FRMD4A: variants seen among roughly 807,000 people sequenced by gnomAD.
FRMD4A encodes the protein FERM domain containing 4A, also known as FERM domain-containing protein 4A.
In FRMD4A, 29 loss-of-function variants were observed where a neutral mutation model predicts 129.1. The ratio of observed to expected loss-of-function variants is 0.22; its 90% confidence interval spans 0.17 to 0.31. The LOEUF (loss-of-function observed/expected upper bound fraction) is 0.31. FRMD4A is among the 10% of genes least tolerant of loss of function. The pLI is 1.00. For synonymous variants in FRMD4A, 634 were observed against 571.6 expected, an observed-to-expected ratio of 1.11 and a Z score of -1.56; for missense variants, 1,272 against 1,375.8, an observed-to-expected ratio of 0.92 and a Z score of 1.19.
intron 2 of FRMD4A, among the ~76,000 whole-genome samples, chr10:14,036,326 T>C (rs916341925): frequency 3.3e-5 from 5 of 152,194 alleles, no homozygotes; most frequent in Admixed American, 6.5e-5. Flanking sequence ...TACTCCTGGG[T>C]GTGCCTGACA....
At chr10:13,883,236 T>C (rs2094567543) in intron 2 of FRMD4A, among the ~76,000 whole-genome samples, 1 of 151,994 alleles carries the variant, frequency 6.6e-6, no homozygotes, top group Non-Finnish European at 1.5e-5. Context: ...ACGGCTGTAA[T>C]CCTAGCACTT....
chr10:13,847,162 G>T (rs1056415280), intron 3 of FRMD4A, among the ~76,000 whole-genome samples: 2 of 152,210 alleles, frequency 1.3e-5, no homozygotes, highest in Non-Finnish European at 2.9e-5. Context: ...TGGAGGAGGA[G>T]TAGGAATGAT....
intron 2 of FRMD4A, among the ~76,000 whole-genome samples, chr10:14,261,600 A>G (rs1589239530): frequency 6.6e-6 from 1 of 152,266 alleles, no homozygotes; most frequent in South Asian, 2.1e-4. Flanking sequence ...TGCAATGCCA[A>G]CCTATCTGAT....
At chr10:13,920,435 T>C (rs1191423473) in intron 2 of FRMD4A, among the ~76,000 whole-genome samples, 2 of 152,238 alleles carry the variant, frequency 1.3e-5, no homozygotes, top group Non-Finnish European at 2.9e-5. Flanking sequence ...ATTTTGAAAG[T>C]GTGTTAAATA....
intron 2 of FRMD4A, among the ~76,000 whole-genome samples, chr10:14,134,517 G>A (rs912400853): frequency 2.6e-5 from 4 of 151,082 alleles, no homozygotes; most frequent in Non-Finnish European, 5.9e-5. Context: ...TTGGAGGGAT[G>A]GAGGGATGGG....
chr10:13,737,739 G>T, intron 12 of FRMD4A, 105 bp downstream of exon 12: 2 of 653,164 alleles, frequency 3.1e-6, no homozygotes, highest in Admixed American at 5.1e-5. Flanking sequence ...GCAGGAGATT[G>T]GTGAGCCTTT....
chr10:13,911,774 G>T (rs903502749), intron 2 of FRMD4A, among the ~76,000 whole-genome samples: 22 of 152,040 alleles, frequency 1.4e-4, no homozygotes, highest in African/African-American at 5.1e-4. Flanking sequence ...GTTACCTAGG[G>T]TGGTCTCGAA....
At chr10:14,192,063 A>G (rs1842335743) in intron 2 of FRMD4A, among the ~76,000 whole-genome samples, 1 of 152,224 alleles carries the variant, frequency 6.6e-6, no homozygotes, top group Admixed American at 6.5e-5. Flanking sequence ...ATAATCAACA[A>G]TTCTGAGCCC....
intron 2 of FRMD4A, among the ~76,000 whole-genome samples, chr10:14,156,355 C>T (rs1840600695): frequency 6.6e-6 from 1 of 152,144 alleles, no homozygotes; most frequent in Non-Finnish European, 1.5e-5. Flanking sequence ...AATACACACC[C>T]ATGTCAGTGA....
chr10:13,774,597 A>G (rs1468613115), intron 6 of FRMD4A, among the ~76,000 whole-genome samples: 1 of 152,186 alleles, frequency 6.6e-6, no homozygotes, highest in African/African-American at 2.4e-5. Context: ...CAGAGAGGAA[A>G]GATGTCCAGA....
At chr10:14,311,036 G>A (rs942928366) in intron 2 of FRMD4A, among the ~76,000 whole-genome samples, 1 of 152,108 alleles carries the variant, frequency 6.6e-6, no homozygotes, top group African/African-American at 2.4e-5. Context: ...CCCTCAATGA[G>A]AGCTTACTAG....
intron 2 of FRMD4A, among the ~76,000 whole-genome samples, chr10:14,185,538 C>T (rs944965772): frequency 4.6e-5 from 7 of 151,338 alleles, no homozygotes; most frequent in South Asian, 2.1e-4. Context: ...ACTATGGAAA[C>T]TTGAAACATA....
At chr10:13,917,895 G>A (rs948448930) in intron 2 of FRMD4A, among the ~76,000 whole-genome samples, 1 of 152,178 alleles carries the variant, frequency 6.6e-6, no homozygotes, top group Non-Finnish European at 1.5e-5. Context: ...CTGATAGCAC[G>A]GGGAGTATTA....
At chr10:13,776,045 A>G (rs2092589980) in intron 6 of FRMD4A, among the ~76,000 whole-genome samples, 1 of 152,236 alleles carries the variant, frequency 6.6e-6, no homozygotes, top group Non-Finnish European at 1.5e-5. Flanking sequence ...TGCTATCACC[A>G]TACTAAGAAA....
In FRMD4A at chr10:14,204,964, CA is replaced by C. The variant is rs769574575; in HGVS notation, c.45+125093del. ...CGGAGAGCCACACAGACACAAGTTGCATTTCAAAGTCGCTGCTGTTGTCTCC... is the reference window on the plus strand; with the variant it reads ...CGGAGAGCCACACAGACACAAGTTGCTTTCAAAGTCGCTGCTGTTGTCTCC... On this transcript the variant is annotated intron_variant, in intron 2 of 24. Transcript: ENST00000357447. Among the ~76,000 whole-genome samples, 5 of 152,256 alleles carry C rather than the reference CA, an allele frequency of 3.3e-5. No individual in the cohort carries two copies. The South Asian group carries it at 1.0e-3, about 32-fold the overall frequency.
Position 13,838,077 on chromosome 10 carries a change from C to A in FRMD4A, c.111+20770G>T, listed in dbSNP as rs76718024. 5.2e-4 allele frequency among the ~76,000 whole-genome samples: 79 copies of A among 152,162 alleles called. 2 individuals carry two copies. The East Asian group carries it at 0.014, about 26-fold the overall frequency. ...CATCACAGGAAAGATTGCTGAATTA[C>A]AACGTGCTATCTCTTTATTTAGTTA... On this transcript the variant is annotated intron_variant, in intron 3 of 24. Coordinates refer to ENST00000357447, the MANE Select transcript of FRMD4A (RefSeq NM_018027.5).
At chr10:14,205,616 G>T (rs566935884) in intron 2 of FRMD4A, among the ~76,000 whole-genome samples, 1 of 152,154 alleles carries the variant, frequency 6.6e-6, no homozygotes, top group African/African-American at 2.4e-5. Context: ...AGACCAGCCT[G>T]ATCAACTTGG....
chr10:14,039,379 C>CTATCT (rs1565204362), intron 2 of FRMD4A, among the ~76,000 whole-genome samples: 29 of 110,998 alleles, frequency 2.6e-4, no homozygotes, highest in African/African-American at 1.1e-3. Context: ...TCCATCCATC[C>CTATCT]ATCCATCCAT....
At chr10:13,921,113 G>C (rs1302262818) in intron 2 of FRMD4A, among the ~76,000 whole-genome samples, 3 of 152,142 alleles carry the variant, frequency 2.0e-5, no homozygotes, top group Non-Finnish European at 4.4e-5. Flanking sequence ...TTTTGGTGAG[G>C]GCTCCTCTTT....
Sources: gnomAD v4.1 joint callset for allele counts (sites outside exome capture counted in the v4.1 genomes callset) on GRCh38, gnomAD v4.1.1 for gene constraint, MANE v1.5 for transcripts, NCBI Gene and HGNC (gene_info 2026-07-23, HGNC 2026-07-21) for gene names.